Variants in PRKAR1A observed in about 807,000 individuals in gnomAD.
The protein encoded by PRKAR1A is cAMP-dependent protein kinase type I-alpha regulatory subunit.
In PRKAR1A, 3 loss-of-function variants were observed where a neutral mutation model predicts 52.0. The ratio of observed to expected loss-of-function variants is 0.06; its 90% confidence interval spans 0.03 to 0.15. The LOEUF (loss-of-function observed/expected upper bound fraction) is 0.15. PRKAR1A is among the 10% of genes least tolerant of loss of function. The pLI is 1.00. For synonymous variants in PRKAR1A, 188 were observed against 168.4 expected, an observed-to-expected ratio of 1.12 and a Z score of -0.90; for missense variants, 240 against 477.4, an observed-to-expected ratio of 0.50 and a Z score of 4.63.
chr17:68,433,593 CAT>C, the PRKAR1A span: 1 of 1,604,594 alleles, frequency 6.2e-7, no homozygotes, highest in Non-Finnish European at 8.5e-7. Flanking sequence ...CACAGCAACA[CAT>C]GGGTCAGTGA....
In PRKAR1A at chr17:68,531,354, A is replaced by G. The variant is rs2085970150; in HGVS notation, c.*905A>G. 9.4e-7 allele frequency: 1 copy of G among 1,065,948 alleles called. No individual in the cohort carries two copies. Among genetic ancestry groups the G allele is most frequent in the Non-Finnish European group, 1.1e-6 (1 of 879,538 alleles). 66.0% of individuals were successfully genotyped at this position (1,065,948 alleles called of 1,614,324 possible). On this transcript the variant is annotated 3_prime_UTR_variant, in exon 11 of 11. Transcript: ENST00000589228. ...AGTATGTCCTTCAGCTGACTCCAGTATAATCTCCTCTGCTCATTAAACTGA... is the reference window on the plus strand; with the variant it reads ...AGTATGTCCTTCAGCTGACTCCAGTGTAATCTCCTCTGCTCATTAAACTGA...
chr17:68,415,849 G>A, the PRKAR1A span, among the ~76,000 whole-genome samples: 1 of 152,048 alleles, frequency 6.6e-6, no homozygotes, highest in Non-Finnish European at 1.5e-5. Context: ...GCTTACTTTT[G>A]GTGTTCATTT....
At chr17:68,473,894 T>G in the PRKAR1A span, among the ~76,000 whole-genome samples, 1 of 152,202 alleles carries the variant, frequency 6.6e-6, no homozygotes, top group Non-Finnish European at 1.5e-5. Flanking sequence ...TTTCCAAGTC[T>G]CTTCTCATTC....
intron 7 of PRKAR1A, among the ~76,000 whole-genome samples, chr17:68,526,802 A>C (rs78030376): frequency 1.3e-5 from 2 of 152,148 alleles, no homozygotes; most frequent in African/African-American, 4.8e-5. Flanking sequence ...GGATCAGGAA[A>C]AATACCTGTG....
At chr17:68,515,343 G>T in intron 1 of PRKAR1A, 51 bp from the exon 2 acceptor site, 1 of 1,598,940 alleles carries the variant, frequency 6.3e-7, no homozygotes, top group South Asian at 1.1e-5. Flanking sequence ...ATGCCAGATT[G>T]ACATTTTGCT....
At chr17:68,508,665 C>A (rs903437950), upstream of PRKAR1A, among the ~76,000 whole-genome samples, 5 of 152,258 alleles carry the variant, frequency 3.3e-5, no homozygotes, top group African/African-American at 1.2e-4. Context: ...ACCCCTGAAT[C>A]TAAAATAAAA....
chr17:68,493,594 C>T, the PRKAR1A span: 1 of 120,088 alleles, frequency 8.3e-6, no homozygotes, highest in Non-Finnish European at 1.7e-5. Context: ...TTTCAACTTG[C>T]AATTTTTTTT....
chr17:68,534,928 G>A (rs1309530005), downstream of PRKAR1A, among the ~76,000 whole-genome samples: 1 of 152,224 alleles, frequency 6.6e-6, no homozygotes, highest in Non-Finnish European at 1.5e-5. Flanking sequence ...CCAATGCAGT[G>A]TTTGTGGTGA....
chr17:68,420,549 A>C, the PRKAR1A span: 1 of 1,438,142 alleles, frequency 7.0e-7, no homozygotes, highest in Non-Finnish European at 9.6e-7. Flanking sequence ...CTTTACAAAC[A>C]CACGCTTTAG....
At chr17:68,544,783 C>G (rs1403699404) in intron 11 of PRKAR1A, among the ~76,000 whole-genome samples, 1 of 152,238 alleles carries the variant, frequency 6.6e-6, no homozygotes, top group Non-Finnish European at 1.5e-5. Flanking sequence ...AGGACAATCC[C>G]TCTTCCCAGT....
upstream of PRKAR1A, among the ~76,000 whole-genome samples, chr17:68,511,403 G>T (rs2085262464): frequency 6.6e-6 from 1 of 152,044 alleles, no homozygotes; most frequent in African/African-American, 2.4e-5. Flanking sequence ...AAAAAAAAAT[G>T]GCTGAAAGAG....
intron 11 of PRKAR1A, among the ~76,000 whole-genome samples, chr17:68,545,985 C>T (rs113570941): frequency 5.9e-5 from 9 of 151,956 alleles, no homozygotes; most frequent in South Asian, 4.2e-4. Context: ...CTGGCTAACA[C>T]GGTGAAACCC....
rs546338099 is a variant in PRKAR1A at position 68,512,530 on chromosome 17, C to G, written c.-25C>G. The G allele has an allele frequency of 6.5e-6, 1 of 154,646 alleles. No homozygotes were observed. The highest frequency in any genetic ancestry group is 1.4e-5 in the Non-Finnish European group (1 of 69,596). The allele number at this position is 154,646 out of a possible 1,614,324, so 9.6% of individuals were successfully genotyped here. The stretch of plus-strand genomic sequence containing the variant: ...CGCCTCGCACCCGCAGCCTCGCGCC[C>G]GCCGCCGCCCGTCCCCAGGTGAGTG... On this transcript the variant is annotated 5_prime_UTR_variant, in exon 1 of 11. Coordinates refer to ENST00000589228, the MANE Select transcript of PRKAR1A (RefSeq NM_002734.5).
At chr17:68,442,562 G>GT in the PRKAR1A span, among the ~76,000 whole-genome samples, 3 of 151,972 alleles carry the variant, frequency 2.0e-5, no homozygotes, top group African/African-American at 7.3e-5. Flanking sequence ...TGCAACAGGT[G>GT]TGAGGAGTAA....
intron 2 of PRKAR1A, among the ~76,000 whole-genome samples, chr17:68,518,853 T>G (rs1424599700): frequency 1.3e-5 from 2 of 152,238 alleles, no homozygotes; most frequent in African/African-American, 4.8e-5. Flanking sequence ...GCTTTCCTGC[T>G]TAGAAATTTC....
chr17:68,444,644 C>A, the PRKAR1A span: 1 of 1,404,422 alleles, frequency 7.1e-7, no homozygotes, highest in African/African-American at 1.4e-5. Flanking sequence ...AAGACCCTGA[C>A]CAAATCCAAA....
the PRKAR1A span, chr17:68,428,962 G>A: frequency 1.0e-5 from 16 of 1,573,222 alleles, no homozygotes; most frequent in South Asian, 2.2e-5. Flanking sequence ...AACATAAACC[G>A]TGATGACAAC....
At chr17:68,501,818 C>T in the PRKAR1A span, among the ~76,000 whole-genome samples, 2 of 152,124 alleles carry the variant, frequency 1.3e-5, no homozygotes, top group Admixed American at 6.5e-5. Context: ...TGTGGATGTC[C>T]AGCAGCCCTT....
the PRKAR1A span, chr17:68,435,556 C>T: frequency 6.7e-7 from 1 of 1,502,434 alleles, no homozygotes; most frequent in Non-Finnish European, 9.3e-7. Flanking sequence ...TCAATCCCAT[C>T]CCTGCGCACG....
Sources: allele counts gnomAD v4.1 joint callset (sites outside exome capture counted in the v4.1 genomes callset), GRCh38; gene constraint gnomAD v4.1.1; transcripts MANE v1.5; gene names NCBI Gene and HGNC (gene_info 2026-07-23, HGNC 2026-07-21).